Variants in DOCK1 observed in about 807,000 individuals in gnomAD.
DOCK1 encodes dedicator of cytokinesis protein 1.
In DOCK1, 138 loss-of-function variants were observed where a neutral mutation model predicts 262.7. The ratio of observed to expected loss-of-function variants is 0.53; its 90% confidence interval spans 0.46 to 0.61. The LOEUF (loss-of-function observed/expected upper bound fraction) is 0.61, where lower values mean the gene tolerates loss of function less well. Ranked by LOEUF, DOCK1 falls within the 20% of genes least tolerant of loss-of-function variation. The probability of loss-of-function intolerance (pLI) is 0.00; values close to 1 mark genes in which losing one functional copy is unlikely to be tolerated. For synonymous variants in DOCK1, 866 were observed against 867.4 expected (o/e 1.00, Z 0.03); for missense variants, 1,908 against 2,370.7 (o/e 0.80, Z 4.05).
chr10:126,992,171 C>T (rs560620985), intron 6 of DOCK1, among the ~76,000 whole-genome samples: 33 of 152,130 alleles, frequency 2.2e-4, no homozygotes, highest in African/African-American at 7.7e-4. Context: ...ATTGTTGCAG[C>T]AAAACCCATT....
At chr10:127,425,697 T>C (rs1357918893) in intron 46 of DOCK1, among the ~76,000 whole-genome samples, 177 bp from the exon 47 acceptor site, 1 of 152,044 alleles carries the variant, frequency 6.6e-6, no homozygotes, top group African/African-American at 2.4e-5. Flanking sequence ...ACACAAATGG[T>C]TTTCATGTAA....
chr10:126,983,207 T>C (rs897967452), intron 4 of DOCK1, among the ~76,000 whole-genome samples: 1 of 152,124 alleles, frequency 6.6e-6, no homozygotes, highest in Non-Finnish European at 1.5e-5. Context: ...CTGTGATTGT[T>C]CTCCACACTG....
chr10:126,931,396 T>C (rs1330381701), intron 1 of DOCK1, among the ~76,000 whole-genome samples: 4 of 152,164 alleles, frequency 2.6e-5, no homozygotes, highest in Admixed American at 2.6e-4. Context: ...TCCTTCTCTG[T>C]GTGGAAGTCT....
intron 29 of DOCK1, among the ~76,000 whole-genome samples, chr10:127,334,983 A>C (rs2063132860): frequency 6.6e-6 from 1 of 152,150 alleles, no homozygotes. Context: ...AGGGAGAGCC[A>C]GGGGCAACCA....
At chr10:127,433,699 C>T (rs1345986732) in intron 48 of DOCK1, among the ~76,000 whole-genome samples, 1 of 152,132 alleles carries the variant, frequency 6.6e-6, no homozygotes, top group African/African-American at 2.4e-5. Flanking sequence ...AGTGTTCAGT[C>T]CTCTTCAGCA....
chr10:126,933,882 T>A (rs2134198340), intron 1 of DOCK1, among the ~76,000 whole-genome samples: 1 of 152,098 alleles, frequency 6.6e-6, no homozygotes, highest in East Asian at 1.9e-4. Context: ...TGGTGTGATC[T>A]CCACTCACTG....
rs148795714 is a variant in DOCK1, at chr10:126,971,389, C to T, written c.130+604C>T. 3.3e-3 allele frequency among the ~76,000 whole-genome samples: 495 copies of T among 152,118 alleles called. 4 individuals carry two copies. Among genetic ancestry groups the T allele is most frequent in the African/African-American group, 0.011 (457 of 41,484 alleles). On this transcript the variant is annotated intron_variant, in intron 2 of 51. Coordinates refer to ENST00000623213, the MANE Select transcript of DOCK1 (RefSeq NM_001290223.2). Reference sequence around the variant, plus strand: ...AATCTTGATTGTTAACAGTTGACCACTTGATAAAAAATAGGTTTAAGATAG... The same window carrying T: ...AATCTTGATTGTTAACAGTTGACCATTTGATAAAAAATAGGTTTAAGATAG...
At chr10:126,990,352 A>T in intron 5 of DOCK1, 103 bp from the exon 6 acceptor site, 1 of 1,139,868 alleles carries the variant, frequency 8.8e-7, no homozygotes, top group Non-Finnish European at 1.2e-6. Flanking sequence ...CTCATGATCT[A>T]GTGCTTATAC....
chr10:127,362,867 A>ACACACATACACATGCACGTCCCCC, intron 33 of DOCK1, among the ~76,000 whole-genome samples: 11 of 143,604 alleles, frequency 7.7e-5, no homozygotes, highest in African/African-American at 2.5e-4. Flanking sequence ...ACATCCCCAC[A>ACACACATACACATGCACGTCCCCC]CACACACATA....
intron 27 of DOCK1, among the ~76,000 whole-genome samples, chr10:127,143,613 A>G (rs2051488998): frequency 6.6e-6 from 1 of 152,168 alleles, no homozygotes; most frequent in Non-Finnish European, 1.5e-5. Context: ...CCAAAGCACA[A>G]CAATTTATGT....
intron 23 of DOCK1, among the ~76,000 whole-genome samples, chr10:127,088,161 A>G (rs1451424026): frequency 6.6e-6 from 1 of 152,130 alleles, no homozygotes. Context: ...TTTCTTTATC[A>G]TATGTTTGGG....
intron 29 of DOCK1, among the ~76,000 whole-genome samples, chr10:127,271,082 G>C (rs2060550848): frequency 6.6e-6 from 1 of 151,686 alleles, no homozygotes; most frequent in Admixed American, 6.6e-5. Context: ...CTTGGGTCAG[G>C]TATCTGTGCT....
chr10:127,015,555 G>T (rs2041807434), intron 12 of DOCK1, among the ~76,000 whole-genome samples: 1 of 151,952 alleles, frequency 6.6e-6, no homozygotes, highest in Non-Finnish European at 1.5e-5. Flanking sequence ...GGAGCGAGCG[G>T]GTCTTCCTAT....
intron 2 of DOCK1, among the ~76,000 whole-genome samples, chr10:126,977,391 C>T (rs1047509736): frequency 6.6e-6 from 1 of 152,172 alleles, no homozygotes; most frequent in Non-Finnish European, 1.5e-5. Flanking sequence ...GTGTCCTGTG[C>T]TTGGCCCTGG....
chr10:127,396,412 C>G (rs1464210950), intron 38 of DOCK1, among the ~76,000 whole-genome samples: 1 of 152,240 alleles, frequency 6.6e-6, no homozygotes, highest in Non-Finnish European at 1.5e-5. Flanking sequence ...CCACCTGCAA[C>G]CATGCCATTA....
At chr10:127,358,003 T>A (rs1385394446) in intron 32 of DOCK1, among the ~76,000 whole-genome samples, 2 of 152,146 alleles carry the variant, frequency 1.3e-5, no homozygotes, top group African/African-American at 2.4e-5. Context: ...AGTTTTTTTT[T>A]TTTTATTTTA....
At position 127,444,551 on chromosome 10, in the gene DOCK1, A is replaced by G. The variant is rs2275056; in HGVS notation, c.5413+272A>G. Among the ~76,000 whole-genome samples, 57,074 of 151,960 alleles carry G rather than the reference A, an allele frequency of 0.38. 11,211 individuals carry two copies. Among genetic ancestry groups the G allele is most frequent in the Non-Finnish European group, 0.45 (30,828 of 67,960 alleles). On this transcript the variant is annotated intron_variant, in intron 50 of 51. Coordinates refer to ENST00000623213, the MANE Select transcript of DOCK1 (RefSeq NM_001290223.2). The stretch of plus-strand genomic sequence containing the variant: ...GGGTCCATGTGGAGGGGACCTGTGA[A>G]GCACGTGGAACCACCACACTTTCTA...
At chr10:127,435,915 T>C (rs957764661) in intron 48 of DOCK1, among the ~76,000 whole-genome samples, 1 of 152,192 alleles carries the variant, frequency 6.6e-6, no homozygotes, top group Non-Finnish European at 1.5e-5. Flanking sequence ...AATTTAAAAC[T>C]CCACCTGCCT....
chr10:127,104,691 T>A (rs962755312), intron 23 of DOCK1, among the ~76,000 whole-genome samples: 2 of 152,224 alleles, frequency 1.3e-5, no homozygotes, highest in Non-Finnish European at 2.9e-5. Flanking sequence ...GTATCTGGCG[T>A]GAATGTTATT....
Sources: gnomAD v4.1 joint callset for allele counts (sites outside exome capture counted in the v4.1 genomes callset) on GRCh38, gnomAD v4.1.1 for gene constraint, MANE v1.5 for transcripts, NCBI Gene and HGNC (gene_info 2026-07-23, HGNC 2026-07-21) for gene names.